The following BRI3BP variants were observed in gnomAD, a reference collection of about 807,000 sequenced individuals.
BRI3BP encodes the protein BRI3-binding protein.
In BRI3BP, 7 loss-of-function variants were observed where a neutral mutation model predicts 15.8. The ratio of observed to expected loss-of-function variants is 0.44; its 90% CI spans 0.25 to 0.83. The LOEUF is 0.83. Among genes scored for constraint, BRI3BP ranks in the 40% least tolerant of loss-of-function variants. The pLI, the probability that BRI3BP is intolerant of heterozygous loss-of-function variation, is 0.20. For synonymous variants in BRI3BP, 192 were observed against 163.5 expected (o/e 1.17, Z -1.33); for missense variants, 320 against 339.3 (o/e 0.94, Z 0.45).
intron 2 of BRI3BP, among the ~76,000 whole-genome samples, chr12:125,014,941 AT>A: frequency 6.6e-6 from 1 of 151,814 alleles, no homozygotes; most frequent in East Asian, 1.9e-4. Flanking sequence ...TAATTTTTGA[AT>A]TTTCTGTAGA....
At chr12:125,015,531 G>T (rs7316480) in intron 2 of BRI3BP, among the ~76,000 whole-genome samples, 44,959 of 151,830 alleles carry the variant, frequency 0.3, 7,027 homozygotes, top group South Asian at 0.45. Flanking sequence ...CCACCCAGTT[G>T]GTAGTGGTTT....
At chr12:125,038,987 G>A in the BRI3BP span, among the ~76,000 whole-genome samples, 7 of 150,580 alleles carry the variant, frequency 4.6e-5, no homozygotes, top group Non-Finnish European at 8.9e-5. Flanking sequence ...CTACTTGGGA[G>A]GCTGAGGCAG....
intron 1 of BRI3BP, among the ~76,000 whole-genome samples, chr12:124,995,714 TCCCATTTGA>T (rs1955035142): frequency 6.6e-6 from 1 of 152,164 alleles, no homozygotes; most frequent in South Asian, 2.1e-4. Flanking sequence ...CTGTTACTGT[TCCCATTTGA>T]CAGATGAGGA....
chr12:124,995,871 GTT>G (rs902284196), intron 1 of BRI3BP, among the ~76,000 whole-genome samples: 2 of 152,138 alleles, frequency 1.3e-5, no homozygotes, highest in Non-Finnish European at 2.9e-5. Flanking sequence ...CCCCTTCCCT[GTT>G]CCCCGAGTCA....
the BRI3BP span, among the ~76,000 whole-genome samples, chr12:125,040,064 C>T: frequency 2.0e-4 from 30 of 152,100 alleles, no homozygotes; most frequent in South Asian, 2.1e-4. Context: ...GAGATTGAGA[C>T]CATCCTGGCC....
intron 1 of BRI3BP, 48 bp downstream of exon 1, chr12:124,994,051 C>T: frequency 8.5e-7 from 1 of 1,182,478 alleles, no homozygotes; most frequent in Non-Finnish European, 1.1e-6. Context: ...GGTCGCCACG[C>T]ACCTGGCTAC....
the BRI3BP span, among the ~76,000 whole-genome samples, chr12:125,050,943 G>A: frequency 3.9e-5 from 6 of 152,168 alleles, no homozygotes; most frequent in Admixed American, 3.3e-4. Flanking sequence ...TAATACACTA[G>A]GGACTTTGTA....
chr12:125,013,092 TAAA>T lies in BRI3BP; in HGVS notation c.316+459_316+461del, dbSNP rs1489782167. On this transcript the variant is annotated intron_variant, in intron 2 of 2. Coordinates refer to ENST00000341446, the MANE Select transcript of BRI3BP (RefSeq NM_080626.6). ...GAGCAAGACTCCTCTCAAATAATCA[TAAA>T]AATAAAAAACAAATGGCCCATCAAA... 2.6e-5 allele frequency among the ~76,000 whole-genome samples: 4 copies of T among 151,914 alleles called. No individual in the cohort carries two copies. The East Asian group carries it at 7.8e-4, about 30-fold the overall frequency.
chr12:125,017,875 C>G (rs1955261179), intron 2 of BRI3BP, among the ~76,000 whole-genome samples: 1 of 152,172 alleles, frequency 6.6e-6, no homozygotes, highest in South Asian at 2.1e-4. Flanking sequence ...AAACTGGATC[C>G]CCTGGTTCCA....
chr12:125,043,414 C>A, the BRI3BP span, among the ~76,000 whole-genome samples: 1 of 152,122 alleles, frequency 6.6e-6, no homozygotes, highest in Non-Finnish European at 1.5e-5. Context: ...GACTGAGGGG[C>A]TTTAAACACT....
At position 125,006,405 on chromosome 12, in the gene BRI3BP, G is replaced by T. The variant is rs567518607; in HGVS notation, c.214-6129G>T. On this transcript the variant is annotated intron_variant, in intron 1 of 2. Coordinates refer to ENST00000341446, the MANE Select transcript of BRI3BP (RefSeq NM_080626.6). Reference sequence around the variant, plus strand: ...ATTCACCCTCTCCTGCCCGGGGCCAGTTTTCAGGAGGGGACAGGTGCCGTT... The same window carrying T: ...ATTCACCCTCTCCTGCCCGGGGCCATTTTTCAGGAGGGGACAGGTGCCGTT... Among the ~76,000 whole-genome samples, 5 of 152,344 alleles carry T rather than the reference G, an allele frequency of 3.3e-5. No homozygotes were observed. The East Asian group carries it at 9.6e-4, about 29-fold the overall frequency.
the BRI3BP span, among the ~76,000 whole-genome samples, chr12:125,046,591 G>A: frequency 1.3e-5 from 2 of 152,168 alleles, no homozygotes; most frequent in Admixed American, 1.3e-4. Flanking sequence ...TAAAAGAACA[G>A]AACTGGAGAA....
rs1277394871 is a variant in BRI3BP at position 125,030,721 on chromosome 12, C to T, written c.*5291C>T. 1 of 152,108 alleles carries T rather than the reference C, an allele frequency of 6.6e-6. No individual in the cohort carries two copies. Among genetic ancestry groups the T allele is most frequent in the Non-Finnish European group, 1.5e-5 (1 of 68,022 alleles). The allele number at this position is 152,108 out of a possible 1,614,324, so 9.4% of individuals were successfully genotyped here. Reference sequence around the variant, plus strand: ...TGCATGTGTGTTTAATCTCTGAATACCATGTAATTAAACTGATTAACTTGT... The same window carrying T: ...TGCATGTGTGTTTAATCTCTGAATATCATGTAATTAAACTGATTAACTTGT... On this transcript the variant is annotated 3_prime_UTR_variant, in exon 3 of 3. Transcript: ENST00000341446.
At chr12:124,994,110 A>G (rs117548679) in intron 1 of BRI3BP, 107 bp downstream of exon 1, 18,618 of 780,456 alleles carry the variant, frequency 0.024, 1,709 homozygotes, top group African/African-American at 0.22. Flanking sequence ...CCGCCCGGCC[A>G]GCGCGCGGGA....
chr12:125,011,249 G>A (rs1260561120), intron 1 of BRI3BP, among the ~76,000 whole-genome samples: 1 of 152,124 alleles, frequency 6.6e-6, no homozygotes, highest in Non-Finnish European at 1.5e-5. Flanking sequence ...ACCTTGGTCA[G>A]CCCTTACAAG....
chr12:125,024,065 A>C (rs895624241), intron 2 of BRI3BP, among the ~76,000 whole-genome samples: 6 of 152,214 alleles, frequency 3.9e-5, no homozygotes, highest in African/African-American at 1.2e-4. Context: ...AAACAAAAAA[A>C]CCAAAAAACC....
At chr12:125,023,737 A>G (rs895303821) in intron 2 of BRI3BP, among the ~76,000 whole-genome samples, 23 of 152,052 alleles carry the variant, frequency 1.5e-4, no homozygotes, top group African/African-American at 5.3e-4. Context: ...TGTGTTCTCT[A>G]GAGATTGGGT....
chr12:125,022,541 A>ATTTATTTTTTT lies in BRI3BP; in HGVS notation c.317-2447_317-2446insATTTTTTTTTT. ...TTATTATTTATTTATTTATTTATTT[A>ATTTATTTTTTT]TTTTTTGAGACAGAGCCTCACTGTG... On this transcript the variant is annotated intron_variant, in intron 2 of 2. Transcript: ENST00000341446. Among the ~76,000 whole-genome samples, 824 of 139,410 alleles carry ATTTATTTTTTT rather than the reference A, an allele frequency of 5.9e-3. 7 individuals are homozygous for ATTTATTTTTTT. The highest frequency in any genetic ancestry group is 0.022 in the African/African-American group (753 of 34,514). The allele number at this position is 139,410 out of a possible 152,430, so 91.5% of individuals were successfully genotyped here.
chr12:125,031,527 C>G (rs894146553), downstream of BRI3BP, among the ~76,000 whole-genome samples: 4 of 151,798 alleles, frequency 2.6e-5, no homozygotes, highest in Admixed American at 2.0e-4. Flanking sequence ...CACCCCACCC[C>G]GCATACCCAT....
Sources: allele counts gnomAD v4.1 joint callset (sites outside exome capture counted in the v4.1 genomes callset), GRCh38; gene constraint gnomAD v4.1.1; transcripts MANE v1.5; gene names NCBI Gene and HGNC (gene_info 2026-07-23, HGNC 2026-07-21).